The following PHOSPHO2 variants were observed in gnomAD, a reference collection of about 807,000 sequenced individuals.
The protein encoded by PHOSPHO2 is pyridoxal phosphate phosphatase PHOSPHO2.
A neutral mutation model predicts 16.4 loss-of-function variants in PHOSPHO2; 14 were observed. That is an observed-to-expected ratio of 0.85 (90% CI 0.56 to 1.33). The LOEUF (loss-of-function observed/expected upper bound fraction) is 1.33, where lower values mean the gene tolerates loss of function less well. Ranked by LOEUF, PHOSPHO2 falls within the 40% of genes most tolerant of loss-of-function variation. The pLI is 0.00. For missense variants in PHOSPHO2, 246 were observed against 282.5 expected, an observed-to-expected ratio of 0.87 and a Z score of 0.93; for synonymous variants, 85 against 90.5, an observed-to-expected ratio of 0.94 and a Z score of 0.34.
intron 3 of PHOSPHO2, among the ~76,000 whole-genome samples, chr2:169,699,486 G>C (rs866289099): frequency 6.6e-6 from 1 of 152,098 alleles, no homozygotes; most frequent in Admixed American, 6.6e-5. Context: ...GTGAACATAC[G>C]CTTGCATGTA....
chr2:169,701,010 C>T lies in PHOSPHO2; in HGVS notation c.39C>T (p.Ile13=). ...TAGTTTTTGACTTTGACAATACAAT[C>T]ATAGATGACAATAGTGACACTTGGA... ...ILLVFDFDNT[I]IDDNSDTWIV... The change falls in exon 4 of 4, where the codon ATC becomes ATT. Residue 13 remains isoleucine, a synonymous_variant. Transcript: ENST00000359744. 2.5e-6 allele frequency: 4 copies of T among 1,609,382 alleles called. No individual in the cohort carries two copies. The highest frequency in any genetic ancestry group is 3.4e-6 in the Non-Finnish European group (4 of 1,178,466).
In PHOSPHO2 at chr2:169,701,270, C is replaced by G; in HGVS notation, c.299C>G (p.Ser100Ter). 6.2e-7 allele frequency: 1 copy of G among 1,613,466 alleles called. No homozygotes were observed. Among genetic ancestry groups the G allele is most frequent in the African/African-American group, 1.3e-5 (1 of 75,032 alleles). ...DKFDCIIISD[S>*]NSVFIDWVLE... Reference sequence around the variant, plus strand: ...TTTGACTGCATTATTATTTCAGATTCAAATTCGGTCTTCATAGATTGGGTT... The same window carrying G: ...TTTGACTGCATTATTATTTCAGATTGAAATTCGGTCTTCATAGATTGGGTT... Residue 100 changes from serine to a stop codon, truncating the protein, a stop_gained, in exon 4 of 4, where the codon TCA becomes TGA. Transcript: ENST00000359744. LOFTEE classifies it high-confidence loss of function.
rs977092673 is a variant in PHOSPHO2, at chr2:169,697,498, C to T, written c.-60C>T. On this transcript the variant is annotated 5_prime_UTR_variant, in exon 3 of 4. Transcript: ENST00000359744. ...ATGATTGTTTATCCTAATCCCAATGCTGAAGTAAGATTGTCTTGGAAATAC... is the reference window on the plus strand; with the variant it reads ...ATGATTGTTTATCCTAATCCCAATGTTGAAGTAAGATTGTCTTGGAAATAC... The T allele has an allele frequency of 1.3e-5, 2 of 152,068 alleles. No homozygotes were observed. The highest frequency in any genetic ancestry group is 4.8e-5 in the African/African-American group (2 of 41,384). 9.4% of individuals were successfully genotyped at this position (152,068 alleles called of 1,614,324 possible).
At chr2:169,695,047 T>A (rs1687463354) in intron 1 of PHOSPHO2, among the ~76,000 whole-genome samples, 168 bp from the exon 2 acceptor site, 2 of 152,254 alleles carry the variant, frequency 1.3e-5, no homozygotes, top group South Asian at 4.1e-4. Context: ...GCGCGTTTGG[T>A]TTCAAAAGAT....
rs140728057 is a variant in PHOSPHO2 at position 169,696,605 on chromosome 2, A to G, written c.-197-756A>G. 6.0e-4 allele frequency among the ~76,000 whole-genome samples: 92 copies of G among 152,348 alleles called. No homozygotes were observed. In the East Asian group the frequency reaches 0.015, roughly 25 times the overall value. On this transcript the variant is annotated intron_variant, in intron 2 of 3. Coordinates refer to ENST00000359744, the MANE Select transcript of PHOSPHO2 (RefSeq NM_001008489.4). ...ATGCAGGATATTGTTACACTATGGA[A>G]ACATTGCAGACATACCAAATAGACA... is the stretch of plus-strand genomic sequence containing the variant.
chr2:169,694,611 C>T lies in PHOSPHO2; in HGVS notation c.-242C>T, dbSNP rs749468962. ...TCACGGGCGCCGGGGCGGCTGCCGACGGCGGGACTGGGTCAGTGAGAAGCC... is the reference window on the plus strand; with the variant it reads ...TCACGGGCGCCGGGGCGGCTGCCGATGGCGGGACTGGGTCAGTGAGAAGCC... On this transcript the variant is annotated 5_prime_UTR_variant, in exon 1 of 4. It adds an upstream start codon to the 5' untranslated region. Transcript: ENST00000359744. The T allele has an allele frequency of 1.3e-5, 7 of 534,326 alleles. No individual in the cohort carries two copies. The highest frequency in any genetic ancestry group is 1.3e-4 in the Admixed American group (4 of 31,808). 33.1% of individuals were successfully genotyped at this position (534,326 alleles called of 1,614,324 possible). A position where few individuals can be genotyped will look rare whatever the true frequency, so the allele number is the denominator to read the frequency against.
rs369752152 is a variant in PHOSPHO2 at position 169,701,275 on chromosome 2, T to G, written c.304T>G (p.Ser102Ala). 1.9e-5 allele frequency: 31 copies of G among 1,613,482 alleles called. No individual in the cohort carries two copies. Among genetic ancestry groups the G allele is most frequent in the Non-Finnish European group, 2.6e-5 (31 of 1,179,758 alleles). The change falls in exon 4 of 4, where the codon TCG (serine) becomes GCG (alanine). Residue 102 changes from serine (S) to alanine (A), a missense_variant. By Grantham distance (99) the Ser-to-Ala change is moderately conservative. Coordinates refer to ENST00000359744, the MANE Select transcript of PHOSPHO2 (RefSeq NM_001008489.4). ...FDCIIISDSNSVFIDWVLEAA... is the reference protein window; with the variant it reads ...FDCIIISDSNAVFIDWVLEAA... ...CTGCATTATTATTTCAGATTCAAAT[T>G]CGGTCTTCATAGATTGGGTTTTAGA... is the stretch of plus-strand genomic sequence containing the variant.
In PHOSPHO2 at chr2:169,697,586, G is replaced by A. The variant is rs371300338; in HGVS notation, c.-27+55G>A. ...TGGTGAGAAAATACTAACAGAAAAA[G>A]ATGGGAAAATTTTAAAAGTGCACTT... On this transcript the variant is annotated intron_variant, in intron 3 of 3. Transcript: ENST00000359744. 9.9e-5 allele frequency: 15 copies of A among 152,262 alleles called. 1 individual carries two copies. In the South Asian group the frequency reaches 2.7e-3, roughly 27 times the overall value. The allele number at this position is 152,262 out of a possible 1,614,324, so 9.4% of individuals were successfully genotyped here.
Position 169,697,377 on chromosome 2 carries a change from A to C in PHOSPHO2, c.-181A>C, listed in dbSNP as rs1201591023. 1.3e-5 allele frequency: 2 copies of C among 152,204 alleles called. No individual in the cohort carries two copies. The highest frequency in any genetic ancestry group is 2.9e-5 in the Non-Finnish European group (2 of 68,034). 9.4% of individuals were successfully genotyped at this position (152,204 alleles called of 1,614,324 possible). ...TAATTTTAGGAGTTAAGAAGTTTCC[A>C]TTATTTTGCTCCAAACCAGAAGACT... On this transcript the variant is annotated 5_prime_UTR_variant, in exon 3 of 4. Coordinates refer to ENST00000359744, the MANE Select transcript of PHOSPHO2 (RefSeq NM_001008489.4).
At chr2:169,695,756 CT>C (rs1687505280) in intron 2 of PHOSPHO2, among the ~76,000 whole-genome samples, 2 of 152,112 alleles carry the variant, frequency 1.3e-5, no homozygotes, top group Admixed American at 1.3e-4. Context: ...GAATGAATTA[CT>C]CCCAGCAGTA....
intron 3 of PHOSPHO2, chr2:169,697,804 T>C (rs965568941): frequency 1.3e-5 from 2 of 152,220 alleles, no homozygotes; most frequent in African/African-American, 4.8e-5. Context: ...AAAATGTGCC[T>C]AGTTACAGTA....
Position 169,701,214 on chromosome 2 carries a change from CT to C in PHOSPHO2, c.245del (p.Phe82SerfsTer4), listed in dbSNP as rs1687743618. On this transcript the variant is annotated frameshift_variant, in exon 4 of 4. Transcript: ENST00000359744. LOFTEE classifies it high-confidence loss of function. Reference protein sequence around the residue: ...LPFTPGMVELFNFIRKNKDKF... With the variant: ...LPFTPGMVELXNFIRKNKDKF... ...CTTTCACTCCAGGGATGGTGGAACT[CT>C]TCAACTTTATAAGAAAGAATAAGGA... 6.2e-7 allele frequency: 1 copy of C among 1,613,996 alleles called. No individual in the cohort carries two copies. Among genetic ancestry groups the C allele is most frequent in the African/African-American group, 1.3e-5 (1 of 75,040 alleles).
chr2:169,701,159 A>T lies in PHOSPHO2; in HGVS notation c.188A>T (p.His63Leu). 1 of 1,614,076 alleles carries T rather than the reference A, an allele frequency of 6.2e-7. No individual in the cohort carries two copies. The highest frequency in any genetic ancestry group is 8.5e-7 in the Non-Finnish European group (1 of 1,179,970). Reference protein sequence around the residue: ...KYLGDKGVREHEMKRAVTSLP... With the variant: ...KYLGDKGVRELEMKRAVTSLP... ...TTGGGAGATAAGGGTGTAAGAGAAC[A>T]TGAAATGAAAAGAGCAGTGACATCA... Residue 63 changes from histidine to leucine, a missense_variant, in exon 4 of 4, where the codon CAT becomes CTT. Coordinates refer to ENST00000359744, the MANE Select transcript of PHOSPHO2 (RefSeq NM_001008489.4).
At position 169,701,191 on chromosome 2, in the gene PHOSPHO2, T is replaced by C; in HGVS notation, c.220T>C (p.Phe74Leu). The C allele has an allele frequency of 6.2e-7, 1 of 1,614,050 alleles. No individual in the cohort carries two copies. The highest frequency in any genetic ancestry group is 8.5e-7 in the Non-Finnish European group (1 of 1,179,982). Residue 74 changes from phenylalanine (F) to leucine (L), a missense_variant, in exon 4 of 4, where the codon TTC (phenylalanine) becomes CTC (leucine). Transcript: ENST00000359744. ...GAAAAGAGCAGTGACATCATTGCCT[T>C]TCACTCCAGGGATGGTGGAACTCTT... is the stretch of plus-strand genomic sequence containing the variant. ...EMKRAVTSLPFTPGMVELFNF... is the reference protein window; with the variant it reads ...EMKRAVTSLPLTPGMVELFNF...
rs761246013 is a variant in PHOSPHO2 at position 169,700,995 on chromosome 2, CT to C, written c.27del (p.Phe9LeufsTer6). 1.3e-6 allele frequency: 2 copies of C among 1,595,426 alleles called. No individual in the cohort carries two copies. Among genetic ancestry groups the C allele is most frequent in the African/African-American group, 1.3e-5 (1 of 74,188 alleles). ...CCATGAAAATTTTGCTAGTTTTTGA[CT>C]TTGACAATACAATCATAGATGACAA... MKILLVFD[F>X]DNTIIDDNSD... On this transcript the variant is annotated frameshift_variant, in exon 4 of 4. Coordinates refer to ENST00000359744, the MANE Select transcript of PHOSPHO2 (RefSeq NM_001008489.4). LOFTEE classifies it high-confidence loss of function.
At position 169,701,190 on chromosome 2, in the gene PHOSPHO2, T is replaced by C; in HGVS notation, c.219T>C (p.Pro73=). The C allele has an allele frequency of 6.2e-7, 1 of 1,614,060 alleles. No homozygotes were observed. Among genetic ancestry groups the C allele is most frequent in the South Asian group, 1.1e-5 (1 of 91,080 alleles). ...TGAAAAGAGCAGTGACATCATTGCC[T>C]TTCACTCCAGGGATGGTGGAACTCT... is the stretch of plus-strand genomic sequence containing the variant. ...HEMKRAVTSL[P]FTPGMVELFN... Residue 73 remains proline, a synonymous_variant, in exon 4 of 4, where the codon CCT becomes CCC. Transcript: ENST00000359744.
intron 1 of PHOSPHO2, 151 bp downstream of exon 1, chr2:169,694,773 T>C: frequency 3.9e-6 from 1 of 257,362 alleles, no homozygotes; most frequent in Non-Finnish European, 7.8e-6. Context: ...AGGCGTGGTG[T>C]GTGCGTCCGC....
intron 2 of PHOSPHO2, among the ~76,000 whole-genome samples, chr2:169,696,001 A>G (rs940446030): frequency 6.6e-6 from 1 of 152,230 alleles, no homozygotes; most frequent in Non-Finnish European, 1.5e-5. Context: ...TCAGTAAGAC[A>G]TGCAGAACCA....
At chr2:169,696,855 T>A (rs946085056) in intron 2 of PHOSPHO2, among the ~76,000 whole-genome samples, 1 of 152,156 alleles carries the variant, frequency 6.6e-6, no homozygotes, top group Non-Finnish European at 1.5e-5. Context: ...TCAATCAGCT[T>A]AACACTGATT....
Sources: gnomAD v4.1 joint callset for allele counts (sites outside exome capture counted in the v4.1 genomes callset) on GRCh38, gnomAD v4.1.1 for gene constraint, MANE v1.5 for transcripts, NCBI Gene and HGNC (gene_info 2026-07-23, HGNC 2026-07-21) for gene names.